The following TOM1L1 variants were observed in gnomAD, a reference collection of about 807,000 sequenced individuals.
TOM1L1 encodes target of myb1 like 1 membrane trafficking protein.
In TOM1L1, 64 loss-of-function variants were observed where a neutral mutation model predicts 63.4. The ratio of observed to expected loss-of-function variants is 1.01; its 90% CI spans 0.83 to 1.24. The LOEUF is 1.24. Among genes scored for constraint, TOM1L1 ranks in the 50% most tolerant of loss-of-function variants. TOM1L1 has a pLI of 0.00. For missense variants in TOM1L1, 536 were observed against 567.0 expected (o/e 0.95, Z 0.55); for synonymous variants, 166 against 194.4 (o/e 0.85, Z 1.22).
intron 15 of TOM1L1, 35 bp downstream of exon 15, chr17:54,960,662 T>G (rs1452534275): frequency 6.9e-7 from 1 of 1,457,608 alleles, no homozygotes; most frequent in African/African-American, 1.4e-5. Context: ...TAATTCCATA[T>G]TCCATATAAT....
intron 14 of TOM1L1, among the ~76,000 whole-genome samples, chr17:54,960,232 G>T (rs2077082232): frequency 6.6e-6 from 1 of 152,072 alleles, no homozygotes; most frequent in Admixed American, 6.5e-5. Flanking sequence ...GGGCATGGTT[G>T]TGTGTCCCTG....
At chr17:54,922,012 G>T (rs1464852824) in intron 7 of TOM1L1, among the ~76,000 whole-genome samples, 1 of 152,164 alleles carries the variant, frequency 6.6e-6, no homozygotes, top group Non-Finnish European at 1.5e-5. Context: ...AAAATTGTAG[G>T]CTGGGCACAG....
chr17:54,957,713 A>G (rs1480550381), intron 14 of TOM1L1: 1 of 152,206 alleles, frequency 6.6e-6, no homozygotes, highest in East Asian at 1.9e-4. Flanking sequence ...TTGGTTGTCC[A>G]TGAATCCCAG....
chr17:54,955,321 T>C (rs142659343), intron 14 of TOM1L1, among the ~76,000 whole-genome samples: 5 of 152,060 alleles, frequency 3.3e-5, no homozygotes, highest in Admixed American at 1.3e-4. Context: ...GGTGGGGAGG[T>C]AGGTAAATCA....
chr17:54,916,198 G>A, intron 7 of TOM1L1: 1 of 366,118 alleles, frequency 2.7e-6, no homozygotes, highest in Non-Finnish European at 4.9e-6. Context: ...ATATAGGAAG[G>A]GATGTAGAAA....
intron 7 of TOM1L1, among the ~76,000 whole-genome samples, chr17:54,921,475 C>T (rs1206373816): frequency 6.6e-6 from 1 of 152,118 alleles, no homozygotes; most frequent in Admixed American, 6.5e-5. Context: ...CGTGGTGGCT[C>T]ACATCTGTAA....
intron 7 of TOM1L1, among the ~76,000 whole-genome samples, chr17:54,928,879 G>A (rs930662342): frequency 6.6e-6 from 1 of 152,046 alleles, no homozygotes; most frequent in African/African-American, 2.4e-5. Context: ...AGAGGGTAGT[G>A]GCTTTTACCT....
intron 12 of TOM1L1, among the ~76,000 whole-genome samples, chr17:54,948,179 T>C (rs566657378): frequency 3.7e-4 from 57 of 152,330 alleles, no homozygotes; most frequent in Admixed American, 6.5e-4. Flanking sequence ...CGGATGGACA[T>C]TGCAGTGGCC....
intron 10 of TOM1L1, 178 bp from the exon 11 acceptor site, chr17:54,938,746 C>A: frequency 2.0e-6 from 1 of 488,092 alleles, no homozygotes; most frequent in Non-Finnish European, 3.6e-6. Context: ...TCTCTTAGAG[C>A]TAGGAAATCT....
intron 7 of TOM1L1, among the ~76,000 whole-genome samples, chr17:54,922,790 T>G (rs554203355): frequency 2.2e-4 from 34 of 152,176 alleles, no homozygotes; most frequent in Non-Finnish European, 4.3e-4. Context: ...CACCTCTCAG[T>G]GGAGCCATGC....
At chr17:54,913,980 A>G (rs1752589561) in intron 5 of TOM1L1, 107 bp downstream of exon 5, 2 of 1,259,770 alleles carry the variant, frequency 1.6e-6, no homozygotes, top group Non-Finnish European at 2.1e-6. Context: ...CAAAAAGATG[A>G]AGTTATTAGA....
chr17:54,915,332 A>G (rs563423980), intron 6 of TOM1L1, among the ~76,000 whole-genome samples: 1 of 152,172 alleles, frequency 6.6e-6, no homozygotes, highest in South Asian at 2.1e-4. Context: ...TTCTTCTTTA[A>G]TACCATGAGA....
chr17:54,942,818 A>G (rs765706056), intron 11 of TOM1L1, among the ~76,000 whole-genome samples: 2 of 152,180 alleles, frequency 1.3e-5, no homozygotes, highest in African/African-American at 2.4e-5. Context: ...GCCGTGTGCT[A>G]TTCCTTTATA....
intron 11 of TOM1L1, among the ~76,000 whole-genome samples, chr17:54,945,719 A>T: frequency 1.4e-5 from 2 of 147,130 alleles, no homozygotes; most frequent in Admixed American, 6.7e-5. Context: ...CTGAAATTTC[A>T]TTTTGGTTCT....
At chr17:54,904,147 C>T (rs1300424445) in intron 2 of TOM1L1, among the ~76,000 whole-genome samples, 1 of 152,072 alleles carries the variant, frequency 6.6e-6, no homozygotes, top group Non-Finnish European at 1.5e-5. Flanking sequence ...GCGGGCGGAT[C>T]ATGAGGTCGG....
At chr17:54,901,205 G>A in intron 1 of TOM1L1, 2 of 519,684 alleles carry the variant, frequency 3.8e-6, no homozygotes. Context: ...GTCAGGCATG[G>A]AGTGTTTGGG....
At chr17:54,901,748 G>C (rs1180438535) in intron 1 of TOM1L1, among the ~76,000 whole-genome samples, 1 of 152,130 alleles carries the variant, frequency 6.6e-6, no homozygotes, top group Non-Finnish European at 1.5e-5. Context: ...CCTAGTAGTT[G>C]TAGTAAAGAG....
chr17:54,921,400 A>G (rs1219511079), intron 7 of TOM1L1, among the ~76,000 whole-genome samples: 1 of 152,214 alleles, frequency 6.6e-6, no homozygotes, highest in Non-Finnish European at 1.5e-5. Context: ...ATTTTAAATT[A>G]TCACATAAAA....
intron 14 of TOM1L1, 72 bp from the exon 15 acceptor site, chr17:54,960,494 C>T (rs2077091775): frequency 9.0e-7 from 1 of 1,106,134 alleles, no homozygotes; most frequent in Non-Finnish European, 1.4e-6. Flanking sequence ...AATTACAGTG[C>T]TGGCAGTTAA....
Sources: gnomAD v4.1 joint callset for allele counts (sites outside exome capture counted in the v4.1 genomes callset) on GRCh38, gnomAD v4.1.1 for gene constraint, MANE v1.5 for transcripts, NCBI Gene and HGNC (gene_info 2026-07-23, HGNC 2026-07-21) for gene names.